ZDHHC17: variants seen among roughly 807,000 people sequenced by gnomAD.
The protein encoded by ZDHHC17 is zDHHC palmitoyltransferase 17, also known as palmitoyltransferase ZDHHC17.
In ZDHHC17, 40 loss-of-function variants were observed where a neutral mutation model predicts 90.3. The observed-to-expected ratio is 0.44, with a 90% CI of 0.34 to 0.58. The LOEUF is 0.58. ZDHHC17 is among the 20% of genes least tolerant of loss of function. The probability of loss-of-function intolerance (pLI) is 0.01; values close to 1 mark genes in which losing one functional copy is unlikely to be tolerated. For synonymous variants in ZDHHC17, 235 were observed against 252.4 expected, an observed-to-expected ratio of 0.93 and a Z score of 0.65; for missense variants, 614 against 780.8, an observed-to-expected ratio of 0.79 and a Z score of 2.55.
rs977298386 is a variant in ZDHHC17, at chr12:76,809,740, A to G, written c.426A>G (p.Gln142=). 6.3e-7 allele frequency: 1 copy of G among 1,578,692 alleles called. No individual in the cohort carries two copies. Among genetic ancestry groups the G allele is most frequent in the African/African-American group, 1.4e-5 (1 of 72,762 alleles). Residue 142 remains glutamine (Q), a synonymous_variant, in exon 5 of 17, where the codon CAA becomes CAG. Transcript: ENST00000426126. ...TRQGHLSMVV[Q]LMKYGADPSL... ...AAGGCCATCTATCCATGGTTGTGCA[A>G]CTAATGAAATATGGTGCAGATCCTT...
At chr12:76,792,620 C>T (rs1410225369) in intron 1 of ZDHHC17, among the ~76,000 whole-genome samples, 1 of 151,846 alleles carries the variant, frequency 6.6e-6, no homozygotes, top group Non-Finnish European at 1.5e-5. Context: ...GAGGTAATTT[C>T]TCTCCTTCCA....
chr12:76,811,614 T>G (rs1953022512), intron 5 of ZDHHC17, among the ~76,000 whole-genome samples: 1 of 151,600 alleles, frequency 6.6e-6, no homozygotes, highest in Non-Finnish European at 1.5e-5. Context: ...GAGAAATAGT[T>G]TTTTTTTTCC....
intron 2 of ZDHHC17, among the ~76,000 whole-genome samples, chr12:76,800,976 C>T (rs1032181639): frequency 1.3e-5 from 2 of 150,756 alleles, no homozygotes; most frequent in East Asian, 3.9e-4. Flanking sequence ...CCATCTCCGC[C>T]TACTGAGTTC....
chr12:76,842,121 A>G lies in ZDHHC17; in HGVS notation c.1266+15A>G, dbSNP rs79034414. The G allele has an allele frequency of 4.8e-4, 747 of 1,546,882 alleles. 14 individuals are homozygous for G. The East Asian group carries it at 0.016, about 34-fold the overall frequency. ...AAAAGAAAAAGGTAGCAAAATACCA[A>G]CTAAGTCACTTGTATTTAACTGCCA... On this transcript the variant is annotated intron_variant, in intron 11 of 16. Transcript: ENST00000426126.
chr12:76,834,995 T>G (rs2137795167), intron 10 of ZDHHC17, among the ~76,000 whole-genome samples: 1 of 104,232 alleles, frequency 9.6e-6, no homozygotes, highest in East Asian at 2.9e-4. Context: ...TTTGGCCTTT[T>G]GCTCTTCCAT....
chr12:76,838,866 GTCAGT>G (rs1427243015), intron 10 of ZDHHC17, among the ~76,000 whole-genome samples: 1 of 152,136 alleles, frequency 6.6e-6, no homozygotes, highest in African/African-American at 2.4e-5. Context: ...GTATGTATTA[GTCAGT>G]TCAAGCTGCC....
intron 7 of ZDHHC17, among the ~76,000 whole-genome samples, chr12:76,819,069 G>A (rs74934378): frequency 0.065 from 9,867 of 152,126 alleles, 439 homozygotes; most frequent in Non-Finnish European, 0.086. Context: ...GAAATAAGAA[G>A]GTAGATTAGG....
chr12:76,793,627 C>T (rs116081927), intron 1 of ZDHHC17, among the ~76,000 whole-genome samples: 1,742 of 152,214 alleles, frequency 0.011, 32 homozygotes, highest in African/African-American at 0.04. Flanking sequence ...TCCCGTTTTA[C>T]GAAGGAGAGA....
In ZDHHC17 at chr12:76,819,589, T is replaced by A. The variant is rs1168177968; in HGVS notation, c.772-2817T>A. On this transcript the variant is annotated intron_variant, in intron 7 of 16. Transcript: ENST00000426126. ...TATATATGATTAAGTGTCTTAGAAA[T>A]CTTTCTTTATATTAACTAGAGATTT... is the stretch of plus-strand genomic sequence containing the variant. 2.6e-5 allele frequency among the ~76,000 whole-genome samples: 4 copies of A among 152,228 alleles called. No homozygotes were observed. In the East Asian group the frequency reaches 7.7e-4, roughly 29 times the overall value.
At chr12:76,771,557 ATTT>A (rs1434211908) in intron 1 of ZDHHC17, among the ~76,000 whole-genome samples, 8 of 152,182 alleles carry the variant, frequency 5.3e-5, no homozygotes, top group Non-Finnish European at 1.0e-4. Context: ...GATGGCTTGC[ATTT>A]TTATCAGTTG....
Position 76,807,585 on chromosome 12 carries a change from T to C in ZDHHC17, c.321-1458T>C, listed in dbSNP as rs189628333. ...ATAACATGTTATAAAAATATAATACTGAGAAGTTTACAATGAAAAGTAATA... is the reference window on the plus strand; with the variant it reads ...ATAACATGTTATAAAAATATAATACCGAGAAGTTTACAATGAAAAGTAATA... On this transcript the variant is annotated intron_variant, in intron 3 of 16. Coordinates refer to ENST00000426126, the MANE Select transcript of ZDHHC17 (RefSeq NM_015336.4). Among the ~76,000 whole-genome samples the C allele has an allele frequency of 6.5e-4, 99 of 152,318 alleles. 1 individual carries two copies. The highest frequency in any genetic ancestry group is 2.1e-3 in the African/African-American group (86 of 41,570).
chr12:76,842,153 C>G (rs1410614781), intron 11 of ZDHHC17, 47 bp downstream of exon 11: 7 of 1,504,080 alleles, frequency 4.7e-6, no homozygotes, highest in Non-Finnish European at 5.3e-6. Flanking sequence ...GCCAGATTAT[C>G]AGTATTTACA....
chr12:76,805,623 G>A (rs1952946430), intron 3 of ZDHHC17, among the ~76,000 whole-genome samples, 184 bp downstream of exon 3: 2 of 152,060 alleles, frequency 1.3e-5, no homozygotes, highest in African/African-American at 4.8e-5. Flanking sequence ...GCTTATATTA[G>A]CCAAGTACTG....
chr12:76,842,980 T>C lies in ZDHHC17; in HGVS notation c.1328T>C (p.Leu443Ser), dbSNP rs777678381. The change falls in exon 12 of 17, where the codon TTG (leucine) becomes TCG (serine). Residue 443 changes from leucine (L) to serine (S), a missense_variant and splice_region_variant. By Grantham distance (145) the Leu-to-Ser change is moderately radical (BLOSUM62 -2). This residue lies in a region of ZDHHC17 where 117 missense variants were observed against 183.6 expected (regional missense o/e 0.64). Transcript: ENST00000426126. Reference sequence around the variant, plus strand: ...CTCAGTATATTCTGCAGTACCTGTTTGGTAGTATTTTCTTCTTTGTTCTTC... The same window carrying C: ...CTCAGTATATTCTGCAGTACCTGTTCGGTAGTATTTTCTTCTTTGTTCTTC... ...LDLSIFCSTC[L>S]IRKPVRSKHC... 6.2e-7 allele frequency: 1 copy of C among 1,609,156 alleles called. No individual in the cohort carries two copies.
intron 7 of ZDHHC17, among the ~76,000 whole-genome samples, chr12:76,820,746 G>A (rs914686427): frequency 2.0e-5 from 3 of 152,130 alleles, no homozygotes; most frequent in Non-Finnish European, 2.9e-5. Flanking sequence ...AATGTTGAGT[G>A]ATCTTACCCC....
chr12:76,825,348 C>G (rs1265602491), intron 8 of ZDHHC17, among the ~76,000 whole-genome samples: 1 of 152,048 alleles, frequency 6.6e-6, no homozygotes, highest in African/African-American at 2.4e-5. Flanking sequence ...ATAGACTTCA[C>G]TATATAATTC....
At chr12:76,846,373 C>G (rs1377028444) in intron 13 of ZDHHC17, 17 of 486,758 alleles carry the variant, frequency 3.5e-5, no homozygotes, top group Non-Finnish European at 1.1e-5. Context: ...TTCTTTGGGA[C>G]TTGAACACCA....
Position 76,816,009 on chromosome 12 carries a change from A to G in ZDHHC17, c.761A>G (p.Gln254Arg), listed in dbSNP as rs748892285. The G allele has an allele frequency of 6.5e-7, 1 of 1,537,258 alleles. No individual in the cohort carries two copies. Among genetic ancestry groups the G allele is most frequent in the Non-Finnish European group, 8.7e-7 (1 of 1,144,058 alleles). ...GAAGCTGGAGCTAATGTTGATGCCC[A>G]GAATATCAAGGTAAAAATATTCTAT... ...LLEAGANVDA[Q>R]NIKGESALDL... The change falls in exon 7 of 17, where the codon CAG becomes CGG. Residue 254 changes from glutamine (Q) to arginine (R), a missense_variant. By Grantham distance (43) the Gln-to-Arg change is conservative. Coordinates refer to ENST00000426126, the MANE Select transcript of ZDHHC17 (RefSeq NM_015336.4).
At chr12:76,769,548 T>G (rs1565754510) in intron 1 of ZDHHC17, among the ~76,000 whole-genome samples, 1 of 152,166 alleles carries the variant, frequency 6.6e-6, no homozygotes, top group Non-Finnish European at 1.5e-5. Flanking sequence ...CCTGCAACTC[T>G]TTTCCTTCAA....
Sources: gnomAD v4.1 joint callset for allele counts (sites outside exome capture counted in the v4.1 genomes callset) on GRCh38, gnomAD v4.1.1 for gene constraint, gnomAD v4.1.1 regional missense constraint, MANE v1.5 for transcripts, NCBI Gene and HGNC (gene_info 2026-07-23, HGNC 2026-07-21) for gene names.